The following SSBP3 variants were observed in gnomAD, a reference collection of about 807,000 sequenced individuals.
The protein encoded by SSBP3 is single stranded DNA binding protein 3, also known as single-stranded DNA-binding protein 3.
A neutral mutation model predicts 69.6 loss-of-function variants in SSBP3; 5 were observed. The observed-to-expected ratio is 0.07, with a 90% CI of 0.04 to 0.15. SSBP3 has a LOEUF of 0.15. Among genes scored for constraint, SSBP3 ranks in the 10% least tolerant of loss-of-function variants. The pLI, the probability that SSBP3 is intolerant of heterozygous loss-of-function variation, is 1.00. For synonymous variants in SSBP3, 196 were observed against 193.4 expected (o/e 1.01, Z -0.11); for missense variants, 312 against 534.0 (o/e 0.58, Z 4.10).
intron 13 of SSBP3, among the ~76,000 whole-genome samples, chr1:54,240,432 T>C (rs1451675216): frequency 8.3e-6 from 1 of 120,228 alleles, no homozygotes; most frequent in Non-Finnish European, 1.6e-5. Context: ...CACTCCAGCC[T>C]GGGTGACAGC....
chr1:54,348,289 G>A (rs942711545), intron 4 of SSBP3, among the ~76,000 whole-genome samples: 2 of 146,856 alleles, frequency 1.4e-5, no homozygotes, highest in Admixed American at 6.9e-5. Flanking sequence ...AATTAGCAGA[G>A]AGTGGGCAGA....
intron 14 of SSBP3, chr1:54,238,687 C>T: frequency 6.4e-6 from 2 of 313,202 alleles, no homozygotes; most frequent in South Asian, 3.3e-5. Flanking sequence ...GGCAGCAGCA[C>T]AGGCAGGCGG....
At chr1:54,354,511 T>C (rs376523537) in intron 4 of SSBP3, among the ~76,000 whole-genome samples, 2 of 152,026 alleles carry the variant, frequency 1.3e-5, no homozygotes, top group South Asian at 4.2e-4. Flanking sequence ...ACTACCACTC[T>C]TGTCATGTGG....
intron 4 of SSBP3, among the ~76,000 whole-genome samples, chr1:54,337,793 C>A (rs1646537024): frequency 6.6e-6 from 1 of 152,048 alleles, no homozygotes; most frequent in African/African-American, 2.4e-5. Context: ...CCATGCCCGG[C>A]CTCCTCAAAC....
At chr1:54,382,679 G>A (rs56173042) in intron 4 of SSBP3, among the ~76,000 whole-genome samples, 14,245 of 151,282 alleles carry the variant, frequency 0.094, 901 homozygotes, top group East Asian at 0.27. Context: ...AGCCTGGATG[G>A]CAGGCTTAGA....
At chr1:54,227,127 G>A in exon 18 of SSBP3, 1 of 1,553,232 alleles carries the variant, frequency 6.4e-7, no homozygotes, top group Non-Finnish European at 8.8e-7. Context: ...CGGAGAAGGG[G>A]GGATCACACA....
At position 54,262,996 on chromosome 1, in the gene SSBP3, C is replaced by G. The variant is rs541464320; in HGVS notation, c.367-4847G>C. On this transcript the variant is annotated intron_variant, in intron 5 of 17. Coordinates refer to ENST00000610401, the Ensembl canonical transcript of SSBP3. The stretch of plus-strand genomic sequence containing the variant: ...TCTCTGAGTGGAGACAACTAACTCC[C>G]GCAGTTTCTTGTTATTCTTTCTCCT... 7.2e-5 allele frequency among the ~76,000 whole-genome samples: 11 copies of G among 152,332 alleles called. No individual in the cohort carries two copies. The East Asian group carries it at 2.1e-3, about 29-fold the overall frequency.
chr1:54,227,220 C>T lies in SSBP3; in HGVS notation c.1138-60G>A, dbSNP rs967053660. 8.9e-6 allele frequency: 9 copies of T among 1,007,528 alleles called. No individual in the cohort carries two copies. The African/African-American group carries it at 1.4e-4, about 16-fold the overall frequency. 62.4% of individuals were successfully genotyped at this position (1,007,528 alleles called of 1,614,324 possible). A position where few individuals can be genotyped will look rare whatever the true frequency, so the allele number is the denominator to read the frequency against. On this transcript the variant is annotated intron_variant, in intron 17 of 17. Coordinates refer to ENST00000610401, the Ensembl canonical transcript of SSBP3. Reference sequence around the variant, plus strand: ...GGATTGTGGGGAGGCCGCTGACACACCCAGGTGCCAAGAGCCTGGGGTGAC... The same window carrying T: ...GGATTGTGGGGAGGCCGCTGACACATCCAGGTGCCAAGAGCCTGGGGTGAC...
intron 4 of SSBP3, among the ~76,000 whole-genome samples, chr1:54,290,998 T>C (rs942566890): frequency 6.6e-6 from 1 of 152,200 alleles, no homozygotes; most frequent in Non-Finnish European, 1.5e-5. Flanking sequence ...CATGTCATAG[T>C]AGGCCAGTGA....
chr1:54,307,209 ACCCCCACTATGGTCACG>A (rs1019034080), intron 4 of SSBP3, among the ~76,000 whole-genome samples: 9 of 151,466 alleles, frequency 5.9e-5, no homozygotes, highest in Admixed American at 2.6e-4. Context: ...TTATGGCCAC[ACCCCCACTATGGTCACG>A]CCCCCACTAT....
At chr1:54,401,968 A>T (rs1351180457) in intron 3 of SSBP3, 23 bp from the exon 4 acceptor site, 2 of 1,603,320 alleles carry the variant, frequency 1.2e-6, no homozygotes, top group Non-Finnish European at 1.7e-6. Context: ...AAATAAAATA[A>T]GGTCAGGTTA....
intron 4 of SSBP3, among the ~76,000 whole-genome samples, chr1:54,349,303 C>T (rs891214401): frequency 6.6e-5 from 10 of 152,306 alleles, no homozygotes; most frequent in African/African-American, 2.2e-4. Context: ...CTGTTCCCTG[C>T]GGCATTCCCA....
intron 5 of SSBP3, among the ~76,000 whole-genome samples, chr1:54,261,029 C>T (rs899878698): frequency 2.0e-5 from 3 of 152,344 alleles, no homozygotes; most frequent in South Asian, 2.1e-4. Flanking sequence ...CATTTCCCAA[C>T]GGGCCACCCA....
intron 4 of SSBP3, among the ~76,000 whole-genome samples, chr1:54,350,352 T>C (rs929587680): frequency 1.3e-5 from 2 of 152,234 alleles, no homozygotes; most frequent in African/African-American, 4.8e-5. Context: ...GAACAAGCGC[T>C]GTTACTAGGA....
At chr1:54,354,787 T>C (rs1455783312) in intron 4 of SSBP3, among the ~76,000 whole-genome samples, 2 of 152,192 alleles carry the variant, frequency 1.3e-5, no homozygotes, top group Non-Finnish European at 2.9e-5. Flanking sequence ...CCTGTGAACC[T>C]GGGCCTAATG....
chr1:54,312,492 G>A (rs1646021405), intron 4 of SSBP3, among the ~76,000 whole-genome samples: 1 of 151,988 alleles, frequency 6.6e-6, no homozygotes, highest in Non-Finnish European at 1.5e-5. Flanking sequence ...GGAGGCTGAG[G>A]CAGAAGAACT....
intron 14 of SSBP3, among the ~76,000 whole-genome samples, chr1:54,233,225 C>T (rs1644414465): frequency 6.6e-6 from 1 of 150,982 alleles, no homozygotes; most frequent in Non-Finnish European, 1.5e-5. Context: ...AGCGCCTCTG[C>T]CCCGCTGCCC....
chr1:54,301,299 C>T (rs964599381), intron 4 of SSBP3, among the ~76,000 whole-genome samples: 3 of 152,188 alleles, frequency 2.0e-5, no homozygotes, highest in African/African-American at 4.8e-5. Context: ...AACAATAAAG[C>T]GGTGTTGAAG....
rs1374357771 is a variant in SSBP3, at chr1:54,258,926, G to C, written c.367-777C>G. 2.0e-5 allele frequency among the ~76,000 whole-genome samples: 3 copies of C among 152,196 alleles called. No individual in the cohort carries two copies. Among genetic ancestry groups the C allele is most frequent in the Admixed American group, 2.0e-4 (3 of 15,286 alleles). On this transcript the variant is annotated intron_variant, in intron 5 of 17. Transcript: ENST00000610401. The surrounding 1 kb of genome is among the most constrained non-coding windows in gnomAD (Gnocchi z 4.5). ...AAGTCTCGAGGGATGAAGGAACTTG[G>C]CCATGGCCATAAAACTGGTCAGTGG...
Sources: gnomAD v4.1 joint callset for allele counts (sites outside exome capture counted in the v4.1 genomes callset) on GRCh38, gnomAD v4.1.1 for gene constraint, Gnocchi (gnomAD v3.1) non-coding constraint, MANE v1.5 for transcripts, NCBI Gene and HGNC (gene_info 2026-07-23, HGNC 2026-07-21) for gene names.